CNTN5: variants seen among roughly 807,000 people sequenced by gnomAD.
The protein encoded by CNTN5 is contactin 5, also known as contactin-5.
In CNTN5, 77 loss-of-function variants were observed where a neutral mutation model predicts 129.1. That is an observed-to-expected ratio of 0.60 (90% CI 0.50 to 0.72). The LOEUF (loss-of-function observed/expected upper bound fraction) is 0.72. Ranked by LOEUF, CNTN5 falls within the 30% of genes least tolerant of loss-of-function variation. The pLI, the probability that CNTN5 is intolerant of heterozygous loss-of-function variation, is 0.00. For synonymous variants in CNTN5, 509 were observed against 465.6 expected, an observed-to-expected ratio of 1.09 and a Z score of -1.20; for missense variants, 1,478 against 1,328.8, an observed-to-expected ratio of 1.11 and a Z score of -1.75.
intron 3 of CNTN5, among the ~76,000 whole-genome samples, chr11:99,644,252 G>A (rs112468401): frequency 9.9e-5 from 15 of 152,260 alleles, no homozygotes; most frequent in African/African-American, 3.1e-4. Context: ...TCCTTTGCTC[G>A]TTTTGCTTTG....
intron 9 of CNTN5, among the ~76,000 whole-genome samples, chr11:100,048,403 A>G (rs570046743): frequency 2.1e-4 from 32 of 152,252 alleles, no homozygotes; most frequent in African/African-American, 7.0e-4. Flanking sequence ...CTCAACCTCT[A>G]TAATTGTGTG....
At chr11:99,467,014 C>T (rs752391746) in intron 2 of CNTN5, among the ~76,000 whole-genome samples, 11 of 152,086 alleles carry the variant, frequency 7.2e-5, no homozygotes, top group Non-Finnish European at 1.0e-4. Flanking sequence ...GTTATCTCTG[C>T]CACATCATGG....
chr11:99,960,974 G>A (rs911151646), intron 8 of CNTN5, among the ~76,000 whole-genome samples: 5 of 151,978 alleles, frequency 3.3e-5, no homozygotes, highest in South Asian at 2.1e-4. Flanking sequence ...AGGCCGTGGC[G>A]AGCGGATCAC....
At chr11:99,499,400 G>A (rs927977563) in intron 2 of CNTN5, among the ~76,000 whole-genome samples, 5 of 152,092 alleles carry the variant, frequency 3.3e-5, no homozygotes, top group East Asian at 1.9e-4. Flanking sequence ...TGCATGCAGC[G>A]TTCAGTCTCT....
At chr11:100,309,567 G>A in intron 21 of CNTN5, 1 of 982,662 alleles carries the variant, frequency 1.0e-6, no homozygotes, top group Non-Finnish European at 1.2e-6. Context: ...ATGATTGCAT[G>A]TTTAATGTGA....
chr11:100,212,692 T>C (rs1220539079), intron 15 of CNTN5, among the ~76,000 whole-genome samples: 2 of 152,110 alleles, frequency 1.3e-5, no homozygotes, highest in Non-Finnish European at 2.9e-5. Context: ...AGTAGATGAT[T>C]CCTAATGACT....
At chr11:99,978,732 C>T (rs1274706158) in intron 8 of CNTN5, among the ~76,000 whole-genome samples, 2 of 152,064 alleles carry the variant, frequency 1.3e-5, no homozygotes, top group Non-Finnish European at 2.9e-5. Flanking sequence ...AACGAAATTG[C>T]CTAATGTCGC....
chr11:99,633,319 A>T (rs1174774009), intron 3 of CNTN5, among the ~76,000 whole-genome samples: 2 of 152,242 alleles, frequency 1.3e-5, no homozygotes, highest in Non-Finnish European at 2.9e-5. Flanking sequence ...CCTGCATTGT[A>T]TAGTAATGGC....
chr11:99,208,339 T>A (rs928649731), intron 1 of CNTN5, among the ~76,000 whole-genome samples: 1 of 152,174 alleles, frequency 6.6e-6, no homozygotes, highest in East Asian at 1.9e-4. Context: ...AATATACTTT[T>A]ATCTAGGCAA....
chr11:99,559,895 C>G (rs531589755), intron 3 of CNTN5, among the ~76,000 whole-genome samples: 1 of 152,186 alleles, frequency 6.6e-6, no homozygotes, highest in Admixed American at 6.5e-5. Flanking sequence ...CCAAACTACA[C>G]AAACATATTA....
At chr11:99,902,697 A>G (rs1314198714) in intron 6 of CNTN5, among the ~76,000 whole-genome samples, 1 of 152,186 alleles carries the variant, frequency 6.6e-6, no homozygotes. Context: ...ACACAAAAGT[A>G]ACCTGTTAAA....
chr11:99,088,040 G>A (rs985612335), intron 1 of CNTN5, among the ~76,000 whole-genome samples: 4 of 152,142 alleles, frequency 2.6e-5, no homozygotes, highest in African/African-American at 9.7e-5. Flanking sequence ...TGTGGCTAAT[G>A]TAAATAGCCT....
chr11:100,146,995 T>A (rs1448388061), intron 13 of CNTN5, among the ~76,000 whole-genome samples: 1 of 152,162 alleles, frequency 6.6e-6, no homozygotes, highest in Non-Finnish European at 1.5e-5. Context: ...TCCTAAATGA[T>A]CTCTTTGCTA....
At chr11:99,505,069 G>A (rs571498484) in intron 2 of CNTN5, among the ~76,000 whole-genome samples, 9 of 152,168 alleles carry the variant, frequency 5.9e-5, no homozygotes, top group African/African-American at 2.2e-4. Flanking sequence ...TACTGGGATG[G>A]CCTCTTCTCA....
chr11:99,828,680 A>G (rs1321118905), intron 4 of CNTN5, among the ~76,000 whole-genome samples: 1 of 152,218 alleles, frequency 6.6e-6, no homozygotes, highest in Non-Finnish European at 1.5e-5. Context: ...GGAAGCTTTT[A>G]TCCAAATTTA....
At chr11:99,123,698 T>C (rs1397592093) in intron 1 of CNTN5, among the ~76,000 whole-genome samples, 2 of 151,788 alleles carry the variant, frequency 1.3e-5, no homozygotes, top group African/African-American at 2.4e-5. Flanking sequence ...TTTAAGTCTT[T>C]AATTTCTCTT....
At chr11:99,133,504 C>A (rs1406432203) in intron 1 of CNTN5, among the ~76,000 whole-genome samples, 1 of 150,588 alleles carries the variant, frequency 6.6e-6, no homozygotes, top group Admixed American at 6.7e-5. Flanking sequence ...TTCAATCTAT[C>A]TATCTGACAA....
intron 3 of CNTN5, among the ~76,000 whole-genome samples, chr11:99,672,799 T>C (rs1327894063): frequency 6.6e-6 from 1 of 151,960 alleles, no homozygotes; most frequent in Non-Finnish European, 1.5e-5. Flanking sequence ...CCATTCTTTC[T>C]TTAGACCTGT....
At chr11:99,252,291 C>A (rs1286256844) in intron 1 of CNTN5, among the ~76,000 whole-genome samples, 3 of 151,872 alleles carry the variant, frequency 2.0e-5, no homozygotes, top group Non-Finnish European at 2.9e-5. Flanking sequence ...TCCTTGAGTT[C>A]TGCTCCTCAA....
Sources: gnomAD v4.1 joint callset for allele counts (sites outside exome capture counted in the v4.1 genomes callset) on GRCh38, gnomAD v4.1.1 for gene constraint, MANE v1.5 for transcripts, NCBI Gene and HGNC (gene_info 2026-07-23, HGNC 2026-07-21) for gene names.